CFAP299: variants seen among roughly 807,000 people sequenced by gnomAD.
CFAP299 encodes the protein cilia and flagella associated protein 299.
Under a neutral mutation model 27.0 loss-of-function variants are expected in CFAP299, and 21 were observed. The observed-to-expected ratio is 0.78, with a 90% CI of 0.55 to 1.12. CFAP299 has a LOEUF of 1.12. Among genes scored for constraint, CFAP299 ranks in the 50% most tolerant of loss-of-function variants. The probability of loss-of-function intolerance (pLI) is 0.00; values close to 1 mark genes in which losing one functional copy is unlikely to be tolerated. For synonymous variants in CFAP299, 104 were observed against 98.1 expected, an observed-to-expected ratio of 1.06 and a Z score of -0.36; for missense variants, 310 against 276.6, an observed-to-expected ratio of 1.12 and a Z score of -0.86.
At chr4:80,472,324 A>G (rs1398090044) in intron 2 of CFAP299, among the ~76,000 whole-genome samples, 5 of 152,210 alleles carry the variant, frequency 3.3e-5, no homozygotes, top group Admixed American at 1.3e-4. Flanking sequence ...TATTAGAGTG[A>G]AAGAACTCTA....
At chr4:80,348,414 C>CTACAAGAAACTTAAACAAATT (rs1722852172) in intron 1 of CFAP299, among the ~76,000 whole-genome samples, 1 of 152,098 alleles carries the variant, frequency 6.6e-6, no homozygotes, top group Non-Finnish European at 1.5e-5. Flanking sequence ...TATCCAGAAT[C>CTACAAGAAACTTAAACAAATT]TACAAGAAAC....
In CFAP299 at chr4:80,393,221, A is replaced by G. The variant is rs142347433; in HGVS notation, c.242+30337A>G. The stretch of plus-strand genomic sequence containing the variant: ...TTAAAAAAAGAAAATATTTTATGCA[A>G]TTGTACAGTGATTCTCTGTTTTAAG... On this transcript the variant is annotated intron_variant, in intron 2 of 5. Coordinates refer to ENST00000358105, the MANE Select transcript of CFAP299 (RefSeq NM_152770.3). Among the ~76,000 whole-genome samples, 360 of 152,314 alleles carry G rather than the reference A, an allele frequency of 2.4e-3. 2 individuals are homozygous for G. Among genetic ancestry groups the G allele is most frequent in the African/African-American group, 7.9e-3 (328 of 41,578 alleles).
intron 3 of CFAP299, among the ~76,000 whole-genome samples, chr4:80,800,453 AATATAATATATAATATATAATATATT>A (rs1560418982): frequency 5.1e-4 from 21 of 41,422 alleles, no homozygotes; most frequent in African/African-American, 1.6e-3. Flanking sequence ...TTGATATATT[AATATAATATATAATATATAATATATT>A]ATATAATATA....
intron 2 of CFAP299, among the ~76,000 whole-genome samples, chr4:80,510,562 C>G (rs1196252457): frequency 3.3e-5 from 5 of 152,176 alleles, no homozygotes; most frequent in African/African-American, 7.2e-5. Flanking sequence ...CCAACACTGA[C>G]TGCTTTTCCA....
At chr4:80,785,215 T>C (rs1727174312) in intron 3 of CFAP299, among the ~76,000 whole-genome samples, 1 of 152,004 alleles carries the variant, frequency 6.6e-6, no homozygotes, top group Non-Finnish European at 1.5e-5. Flanking sequence ...TTTATTTTTG[T>C]ATATGGTATG....
intron 3 of CFAP299, among the ~76,000 whole-genome samples, chr4:80,702,723 T>C (rs1444478376): frequency 2.6e-5 from 4 of 151,904 alleles, no homozygotes; most frequent in Non-Finnish European, 4.4e-5. Context: ...ATATGGGTTC[T>C]CAATAAAGTT....
chr4:80,768,405 A>G (rs1202985999), intron 3 of CFAP299, among the ~76,000 whole-genome samples: 1 of 152,230 alleles, frequency 6.6e-6, no homozygotes, highest in Non-Finnish European at 1.5e-5. Context: ...AATCTAATCC[A>G]TCAAACACAT....
chr4:80,698,621 G>A (rs982987441), intron 3 of CFAP299, among the ~76,000 whole-genome samples: 31 of 152,082 alleles, frequency 2.0e-4, no homozygotes, highest in Non-Finnish European at 4.1e-4. Context: ...ATCTATTCTT[G>A]TACCACAATA....
At chr4:80,757,355 A>C (rs1725294127) in intron 3 of CFAP299, among the ~76,000 whole-genome samples, 1 of 152,182 alleles carries the variant, frequency 6.6e-6, no homozygotes, top group African/African-American at 2.4e-5. Context: ...ATAAAAAGTA[A>C]TTTTAAAATT....
chr4:80,733,523 C>T (rs1723662452), intron 3 of CFAP299, among the ~76,000 whole-genome samples: 1 of 152,064 alleles, frequency 6.6e-6, no homozygotes, highest in Admixed American at 6.6e-5. Flanking sequence ...ACTATAGTCA[C>T]ATATTGTGCT....
At chr4:80,882,729 C>A (rs1421249242) in intron 4 of CFAP299, among the ~76,000 whole-genome samples, 1 of 151,414 alleles carries the variant, frequency 6.6e-6, no homozygotes, top group African/African-American at 2.4e-5. Context: ...TACCTCTCAG[C>A]AGAAACTTTG....
chr4:80,412,666 T>A (rs1198869239), intron 2 of CFAP299, among the ~76,000 whole-genome samples: 1 of 152,190 alleles, frequency 6.6e-6, no homozygotes. Flanking sequence ...TTTTCCAGCA[T>A]CTTTGCTCAC....
At chr4:80,732,866 G>T (rs1022919001) in intron 3 of CFAP299, among the ~76,000 whole-genome samples, 5 of 152,082 alleles carry the variant, frequency 3.3e-5, no homozygotes, top group African/African-American at 1.2e-4. Flanking sequence ...TTCATTATCT[G>T]CTGAGAGTAG....
chr4:80,420,643 T>C (rs921929906), intron 2 of CFAP299, among the ~76,000 whole-genome samples: 13 of 152,186 alleles, frequency 8.5e-5, no homozygotes, highest in Admixed American at 6.5e-5. Flanking sequence ...GGAGTTGAGT[T>C]CCTTACATGT....
At chr4:80,513,635 G>C (rs912998880) in intron 2 of CFAP299, among the ~76,000 whole-genome samples, 2 of 152,128 alleles carry the variant, frequency 1.3e-5, no homozygotes, top group African/African-American at 4.8e-5. Flanking sequence ...TCCCCTGAAT[G>C]TAGCACAATG....
intron 3 of CFAP299, among the ~76,000 whole-genome samples, chr4:80,727,787 G>A (rs1454063295): frequency 6.6e-6 from 1 of 151,520 alleles, no homozygotes; most frequent in Non-Finnish European, 1.5e-5. Context: ...ATTACATTTG[G>A]GACAGAGATT....
intron 3 of CFAP299, among the ~76,000 whole-genome samples, chr4:80,715,350 C>T (rs188940315): frequency 2.0e-5 from 3 of 152,126 alleles, no homozygotes; most frequent in Non-Finnish European, 4.4e-5. Flanking sequence ...GTTGGCTTAC[C>T]TCAGATATGT....
intron 3 of CFAP299, among the ~76,000 whole-genome samples, chr4:80,610,766 G>A (rs545147652): frequency 6.6e-6 from 1 of 151,922 alleles, no homozygotes; most frequent in African/African-American, 2.4e-5. Flanking sequence ...AATAATAAAG[G>A]CTCTTTTATA....
intron 4 of CFAP299, among the ~76,000 whole-genome samples, chr4:80,933,323 C>A (rs961150952): frequency 1.3e-5 from 2 of 152,090 alleles, no homozygotes; most frequent in Admixed American, 1.3e-4. Context: ...CACCCCCTAG[C>A]AACCATCAAT....
Sources: gnomAD v4.1 joint callset for allele counts (sites outside exome capture counted in the v4.1 genomes callset) on GRCh38, gnomAD v4.1.1 for gene constraint, MANE v1.5 for transcripts, NCBI Gene and HGNC (gene_info 2026-07-23, HGNC 2026-07-21) for gene names.